Variants in SPAG17 observed in about 807,000 individuals in gnomAD.
SPAG17 encodes sperm associated antigen 17.
Under a neutral mutation model 273.6 loss-of-function variants are expected in SPAG17, and 169 were observed. That is an observed-to-expected ratio of 0.62 (90% CI 0.55 to 0.70). The LOEUF (loss-of-function observed/expected upper bound fraction) is 0.70, where lower values mean the gene tolerates loss of function less well. Ranked by LOEUF, SPAG17 falls within the 30% of genes least tolerant of loss-of-function variation. SPAG17 has a pLI of 0.00. For missense variants in SPAG17, 2,557 were observed against 2,627.8 expected (o/e 0.97, Z 0.59); for synonymous variants, 825 against 873.2 (o/e 0.94, Z 0.97).
At position 117,985,218 on chromosome 1, in the gene SPAG17, G is replaced by C. The variant is rs375807633; in HGVS notation, c.5670-436C>G. Among the ~76,000 whole-genome samples, 10 of 152,200 alleles carry C rather than the reference G, an allele frequency of 6.6e-5. 1 individual carries two copies. In the East Asian group the frequency reaches 1.3e-3, roughly 20 times the overall value. On this transcript the variant is annotated intron_variant, in intron 40 of 48. Transcript: ENST00000336338. The stretch of plus-strand genomic sequence containing the variant: ...AAAACAAAAACTTGAGGCATGATTT[G>C]TGAATAATGTGGTCAGTGGTTATAG...
chr1:118,016,147 T>C lies in SPAG17; in HGVS notation c.4105A>G (p.Lys1369Glu). 6.2e-7 allele frequency: 1 copy of C among 1,613,914 alleles called. No homozygotes were observed. The change falls in exon 29 of 49, where the codon AAG (lysine) becomes GAG (glutamate). Residue 1369 changes from lysine (K) to glutamate (E), a missense_variant. Coordinates refer to ENST00000336338, the MANE Select transcript of SPAG17 (RefSeq NM_206996.4). ...GGAGGAGGGTCATGGATTTCACCCT[T>C]ATGGGCCATTGATGACTGACTTTTG... ...SHKSQSSMAH[K>E]GEIHDPPPEA...
intron 43 of SPAG17, among the ~76,000 whole-genome samples, chr1:117,976,108 A>C (rs1327074714): frequency 1.3e-5 from 2 of 152,182 alleles, no homozygotes; most frequent in Admixed American, 1.3e-4. Flanking sequence ...ATGTGAACCC[A>C]GGTAGAGCCT....
intron 3 of SPAG17, among the ~76,000 whole-genome samples, chr1:118,132,003 G>A (rs751074841): frequency 6.6e-6 from 1 of 152,204 alleles, no homozygotes; most frequent in Non-Finnish European, 1.5e-5. Flanking sequence ...AAAGAAGCAG[G>A]CCCTGCCCAT....
At chr1:118,051,161 A>G (rs562429221) in intron 20 of SPAG17, among the ~76,000 whole-genome samples, 4 of 152,304 alleles carry the variant, frequency 2.6e-5, no homozygotes, top group African/African-American at 4.8e-5. Flanking sequence ...ATAACTAATC[A>G]GCAGGGAAAT....
At chr1:117,981,039 T>G (rs1458617702) in intron 43 of SPAG17, among the ~76,000 whole-genome samples, 1 of 152,180 alleles carries the variant, frequency 6.6e-6, no homozygotes, top group Non-Finnish European at 1.5e-5. Flanking sequence ...AAAAAAGGAT[T>G]TCTTTGTATT....
chr1:118,118,681 GA>G (rs1417294530), intron 3 of SPAG17, among the ~76,000 whole-genome samples: 2 of 152,152 alleles, frequency 1.3e-5, no homozygotes, highest in African/African-American at 2.4e-5. Context: ...GCTCTACGCT[GA>G]AAGACCAAAG....
At chr1:118,091,786 T>C in intron 9 of SPAG17, 68 bp from the exon 10 acceptor site, 1 of 1,367,810 alleles carries the variant, frequency 7.3e-7, no homozygotes, top group Non-Finnish European at 1.0e-6. Context: ...CAAAATTTCA[T>C]GCATAATTTC....
At chr1:118,173,322 C>T (rs759972364) in intron 1 of SPAG17, among the ~76,000 whole-genome samples, 6 of 152,132 alleles carry the variant, frequency 3.9e-5, no homozygotes, top group Non-Finnish European at 7.3e-5. Flanking sequence ...GAGAAAGCAG[C>T]CCAATTCCTG....
rs757756248 is a variant in SPAG17 at position 118,017,676 on chromosome 1, ATTAGAAATTCAAG to A, written c.4070-1507_4070-1495del. 6.1e-4 allele frequency among the ~76,000 whole-genome samples: 93 copies of A among 152,334 alleles called. 1 individual carries two copies. Among genetic ancestry groups the A allele is most frequent in the African/African-American group, 1.8e-3 (76 of 41,580 alleles). On this transcript the variant is annotated intron_variant, in intron 28 of 48. Coordinates refer to ENST00000336338, the MANE Select transcript of SPAG17 (RefSeq NM_206996.4). ...AAGAACAGTTAGAAGGTTTTAAAGT[ATTAGAAATTCAAG>A]TTGGCAGAAGAGATAAACAGGTACA...
Position 118,124,783 on chromosome 1 carries a change from C to T in SPAG17, c.316-9342G>A, listed in dbSNP as rs904568875. Reference sequence around the variant, plus strand: ...AACTGAGGCCTGGTGATCACACAGCCGGTAATTAGTAGAGATGGGATTTGA... The same window carrying T: ...AACTGAGGCCTGGTGATCACACAGCTGGTAATTAGTAGAGATGGGATTTGA... On this transcript the variant is annotated intron_variant, in intron 3 of 48. Coordinates refer to ENST00000336338, the MANE Select transcript of SPAG17 (RefSeq NM_206996.4). 3.9e-5 allele frequency among the ~76,000 whole-genome samples: 6 copies of T among 152,260 alleles called. No homozygotes were observed. The South Asian group carries it at 6.2e-4, about 16-fold the overall frequency.
chr1:118,039,475 CT>C (rs777864943), intron 22 of SPAG17, 31 bp from the exon 23 acceptor site: 5 of 1,610,080 alleles, frequency 3.1e-6, no homozygotes, highest in Non-Finnish European at 2.5e-6. Flanking sequence ...AGAAGATGGG[CT>C]GATTAGGATG....
intron 20 of SPAG17, among the ~76,000 whole-genome samples, chr1:118,049,062 C>G (rs909965858): frequency 1.3e-5 from 2 of 152,060 alleles, no homozygotes; most frequent in Admixed American, 6.5e-5. Flanking sequence ...CAAATAACAA[C>G]TGAGAGACTG....
intron 4 of SPAG17, among the ~76,000 whole-genome samples, chr1:118,102,257 C>T (rs1570697173): frequency 6.6e-6 from 1 of 152,174 alleles, no homozygotes; most frequent in Non-Finnish European, 1.5e-5. Flanking sequence ...ATTCTGAGTA[C>T]ATAATGGTGT....
intron 25 of SPAG17, 75 bp from the exon 26 acceptor site, chr1:118,028,469 G>T: frequency 6.4e-7 from 1 of 1,562,000 alleles, no homozygotes; most frequent in Non-Finnish European, 8.7e-7. Context: ...ACTAAGCCAG[G>T]ATATGCTGAG....
intron 1 of SPAG17, among the ~76,000 whole-genome samples, chr1:118,176,748 C>A (rs973881038): frequency 1.3e-5 from 2 of 152,176 alleles, no homozygotes; most frequent in Admixed American, 1.3e-4. Flanking sequence ...GCAGAATATA[C>A]GTTCTTTTCA....
At chr1:118,124,311 C>G (rs942197683) in intron 3 of SPAG17, among the ~76,000 whole-genome samples, 7 of 152,152 alleles carry the variant, frequency 4.6e-5, no homozygotes, top group Non-Finnish European at 1.0e-4. Flanking sequence ...TCTGAACAAC[C>G]CTACAACGTT....
intron 36 of SPAG17, among the ~76,000 whole-genome samples, chr1:117,991,915 G>A (rs1245643410): frequency 4.6e-5 from 7 of 152,034 alleles, no homozygotes; most frequent in East Asian, 1.9e-4. Context: ...TCTTTGCTTC[G>A]AAGAGAAACG....
chr1:118,086,145 TA>T, intron 12 of SPAG17, 73 bp from the exon 13 acceptor site: 1 of 1,304,102 alleles, frequency 7.7e-7, no homozygotes. Flanking sequence ...TGGAGAAGGC[TA>T]AACATGATAC....
chr1:118,121,953 G>A (rs556710438), intron 3 of SPAG17, among the ~76,000 whole-genome samples: 3 of 152,198 alleles, frequency 2.0e-5, no homozygotes, highest in African/African-American at 7.2e-5. Context: ...CATACAAGGG[G>A]CTATGTTTAT....
Sources: allele counts gnomAD v4.1 joint callset (sites outside exome capture counted in the v4.1 genomes callset), GRCh38; gene constraint gnomAD v4.1.1; transcripts MANE v1.5; gene names NCBI Gene and HGNC (gene_info 2026-07-23, HGNC 2026-07-21).